SYNE1: variants seen among roughly 807,000 people sequenced by gnomAD.
SYNE1 encodes the protein nesprin-1.
A neutral mutation model predicts 1,111.0 loss-of-function variants in SYNE1; 616 were observed. The ratio of observed to expected loss-of-function variants is 0.55; its 90% CI spans 0.52 to 0.59. The LOEUF is 0.59. SYNE1 is among the 20% of genes least tolerant of loss of function. The pLI, the probability that SYNE1 is intolerant of heterozygous loss-of-function variation, is 0.00. For missense variants in SYNE1, 10,006 were observed against 10,417.0 expected (o/e 0.96, Z 1.72); for synonymous variants, 3,855 against 3,825.8 (o/e 1.01, Z -0.28).
intron 3 of SYNE1, among the ~76,000 whole-genome samples, chr6:152,587,659 C>T (rs2128481718): frequency 6.6e-6 from 1 of 152,290 alleles, no homozygotes; most frequent in South Asian, 2.1e-4. Context: ...CTTTCCCCTT[C>T]CCACATCCTC....
At position 152,347,606 on chromosome 6, in the gene SYNE1, A is replaced by C. The variant is rs961375674; in HGVS notation, c.11902-371T>G. Among the ~76,000 whole-genome samples the C allele has an allele frequency of 3.0e-4, 46 of 152,102 alleles. 1 individual carries two copies. Among genetic ancestry groups the C allele is most frequent in the African/African-American group, 1.0e-3 (42 of 41,514 alleles). On this transcript the variant is annotated intron_variant, in intron 72 of 145. Transcript: ENST00000367255. The stretch of plus-strand genomic sequence containing the variant: ...CATAATTTTTATCTAAAACAATCTA[A>C]TTACTATTTCATCAACTTTATATAA...
intron 115 of SYNE1, among the ~76,000 whole-genome samples, chr6:152,228,513 T>G (rs1365281539): frequency 6.6e-6 from 1 of 151,964 alleles, no homozygotes; most frequent in Non-Finnish European, 1.5e-5. Context: ...AAAAGCTATG[T>G]TAAAGAGAAG....
At chr6:152,181,102 G>A (rs2067923555) in intron 128 of SYNE1, among the ~76,000 whole-genome samples, 1 of 84,100 alleles carries the variant, frequency 1.2e-5, no homozygotes, top group African/African-American at 4.9e-5. Context: ...AAAAAAGCCA[G>A]GTGCAGTGGC....
intron 8 of SYNE1, among the ~76,000 whole-genome samples, chr6:152,506,207 T>C (rs2099057504): frequency 6.6e-6 from 1 of 152,180 alleles, no homozygotes; most frequent in Admixed American, 6.5e-5. Flanking sequence ...TCACAATGAA[T>C]GATTTTTTTT....
intron 131 of SYNE1, among the ~76,000 whole-genome samples, chr6:152,157,164 A>ATT (rs1426147376): frequency 6.6e-6 from 1 of 152,192 alleles, no homozygotes; most frequent in African/African-American, 2.4e-5. Context: ...TTCCACCATC[A>ATT]TTAAAAGGTA....
rs547457198 is a variant in SYNE1 at position 152,215,181 on chromosome 6, A to C, written c.22192-121T>G. The C allele has an allele frequency of 4.6e-6, 5 of 1,091,850 alleles. No individual in the cohort carries two copies. In the South Asian group the frequency reaches 6.5e-5, roughly 14 times the overall value. 67.6% of individuals were successfully genotyped at this position (1,091,850 alleles called of 1,614,324 possible). ...TGGTCTTCGGTCTAGTGGCCTCTGC[A>C]TTTCTAGGCCACTTACTTACAATCT... is the stretch of plus-strand genomic sequence containing the variant. On this transcript the variant is annotated intron_variant, in intron 121 of 145. Transcript: ENST00000367255.
chr6:152,507,924 T>C (rs985708683), intron 8 of SYNE1, among the ~76,000 whole-genome samples: 21 of 152,310 alleles, frequency 1.4e-4, no homozygotes, highest in Middle Eastern at 3.4e-3. Context: ...ATTTTTAAAC[T>C]TTATACGAAA....
intron 3 of SYNE1, among the ~76,000 whole-genome samples, chr6:152,593,850 C>T (rs2099573559): frequency 6.6e-6 from 1 of 152,066 alleles, no homozygotes. Flanking sequence ...CGTATGAGAT[C>T]ATTAAGTAGA....
Position 152,430,671 on chromosome 6 carries a change from A to C in SYNE1, c.4500T>G (p.Ile1500Met). 1.2e-6 allele frequency: 2 copies of C among 1,614,106 alleles called. No individual in the cohort carries two copies. The highest frequency in any genetic ancestry group is 1.7e-5 in the Admixed American group (1 of 60,010). Residue 1500 changes from isoleucine (I) to methionine (M), a missense_variant, in exon 35 of 146, where the codon ATT becomes ATG. Physicochemically the swap from Ile to Met is conservative, Grantham distance 10. Transcript: ENST00000367255. ...ACTGGGCTTCTTCTTCTAATCCTAC[A>C]ATGCTGCTGAGCTTACTTTCTATTT... Reference protein sequence around the residue: ...IQEIESKLSSIVGLEEEAQSF... With the variant: ...IQEIESKLSSMVGLEEEAQSF...
intron 3 of SYNE1, among the ~76,000 whole-genome samples, chr6:152,545,587 C>T (rs2099308100): frequency 6.6e-6 from 1 of 152,000 alleles, no homozygotes; most frequent in African/African-American, 2.4e-5. Flanking sequence ...CTCAAAAATA[C>T]ATAAATTAAT....
At chr6:152,630,066 A>G (rs1263044837) in intron 2 of SYNE1, among the ~76,000 whole-genome samples, 2 of 152,092 alleles carry the variant, frequency 1.3e-5, no homozygotes, top group Non-Finnish European at 2.9e-5. Flanking sequence ...ATACTATTAT[A>G]TATTGGTATC....
intron 3 of SYNE1, among the ~76,000 whole-genome samples, chr6:152,598,734 T>G (rs569775139): frequency 6.6e-6 from 1 of 152,338 alleles, no homozygotes; most frequent in East Asian, 1.9e-4. Context: ...TGAATCTGGG[T>G]AAGTCTGGTC....
intron 65 of SYNE1, 89 bp from the exon 66 acceptor site, chr6:152,358,626 A>G (rs1407783881): frequency 7.6e-7 from 1 of 1,320,738 alleles, no homozygotes; most frequent in African/African-American, 1.5e-5. Context: ...AATTTTAGAA[A>G]AGTATAATTA....
At position 152,239,681 on chromosome 6, in the gene SYNE1, T is replaced by C. The variant is rs1456668666; in HGVS notation, c.19919A>G (p.His6640Arg). ...GAAGAGTGTTTCAGTCAAGATCATA[T>C]GAGATTCCAGGCCCTGAAAGTATTC... Reference protein sequence around the residue: ...HKEYFQGLESHMILTETLFRK... With the variant: ...HKEYFQGLESRMILTETLFRK... The change falls in exon 108 of 146, where the codon CAT (histidine) becomes CGT (arginine). Residue 6640 changes from histidine to arginine, a missense_variant. Physicochemically the swap from His to Arg is conservative, Grantham distance 29. Transcript: ENST00000367255. 2 of 1,614,204 alleles carry C rather than the reference T, an allele frequency of 1.2e-6. No individual in the cohort carries two copies. The highest frequency in any genetic ancestry group is 3.3e-5 in the Admixed American group (2 of 60,030).
intron 73 of SYNE1, 89 bp from the exon 74 acceptor site, chr6:152,344,316 T>C: frequency 1.3e-6 from 2 of 1,543,138 alleles, no homozygotes; most frequent in Non-Finnish European, 8.8e-7. Context: ...GACCAGTACA[T>C]CTAAATGGAT....
chr6:152,605,710 T>C (rs1037110563), intron 3 of SYNE1, among the ~76,000 whole-genome samples: 10 of 152,206 alleles, frequency 6.6e-5, no homozygotes. Context: ...ACACATAGCT[T>C]TCTGGGCAGA....
intron 8 of SYNE1, among the ~76,000 whole-genome samples, 189 bp from the exon 9 acceptor site, chr6:152,505,586 G>A (rs1433898560): frequency 6.6e-6 from 1 of 152,012 alleles, no homozygotes; most frequent in Admixed American, 6.6e-5. Flanking sequence ...TCGAAATTCT[G>A]GTTCTATATT....
chr6:152,500,658 A>G (rs2099024503), intron 10 of SYNE1, among the ~76,000 whole-genome samples: 2 of 152,072 alleles, frequency 1.3e-5, no homozygotes, highest in African/African-American at 2.4e-5. Context: ...GTCTATTTAG[A>G]AAACATATTG....
chr6:152,346,365 C>G (rs1172315185), intron 73 of SYNE1, among the ~76,000 whole-genome samples: 1 of 151,896 alleles, frequency 6.6e-6, no homozygotes, highest in Non-Finnish European at 1.5e-5. Flanking sequence ...CGGGGTTTCA[C>G]CATGTTGGCC....
Sources: allele counts gnomAD v4.1 joint callset (sites outside exome capture counted in the v4.1 genomes callset), GRCh38; gene constraint gnomAD v4.1.1; transcripts MANE v1.5; gene names NCBI Gene and HGNC (gene_info 2026-07-23, HGNC 2026-07-21).